The following TAFA1 variants were observed in gnomAD, a reference collection of about 807,000 sequenced individuals.
The protein encoded by TAFA1 is TAFA chemokine like family member 1.
A neutral mutation model predicts 18.5 loss-of-function variants in TAFA1; 4 were observed. The observed-to-expected ratio is 0.22, with a 90% CI of 0.11 to 0.49. The LOEUF (loss-of-function observed/expected upper bound fraction) is 0.49, where lower values mean the gene tolerates loss of function less well. Among genes scored for constraint, TAFA1 ranks in the 20% least tolerant of loss-of-function variants. The probability of loss-of-function intolerance (pLI) is 0.98; values close to 1 mark genes in which losing one functional copy is unlikely to be tolerated. For missense variants in TAFA1, 147 were observed against 169.0 expected (o/e 0.87, Z 0.72); for synonymous variants, 56 against 55.2 (o/e 1.01, Z -0.06).
intron 2 of TAFA1, among the ~76,000 whole-genome samples, chr3:68,341,697 A>T (rs1460251763): frequency 6.6e-6 from 1 of 152,188 alleles, no homozygotes; most frequent in Non-Finnish European, 1.5e-5. Flanking sequence ...ATGAACAAAG[A>T]CAGCTCCAAG....
At chr3:68,180,012 T>TTTTTTATTATTATTA (rs1553649124) in intron 2 of TAFA1, among the ~76,000 whole-genome samples, 11 of 140,322 alleles carry the variant, frequency 7.8e-5, no homozygotes, top group East Asian at 2.1e-4. Flanking sequence ...AACACATAAT[T>TTTTTTATTATTATTA]TTATTATTAT....
intron 2 of TAFA1, among the ~76,000 whole-genome samples, chr3:68,184,139 A>G (rs1205078041): frequency 2.0e-5 from 3 of 152,160 alleles, no homozygotes; most frequent in African/African-American, 7.2e-5. Flanking sequence ...GGACATCAAA[A>G]AGTGTCATAC....
chr3:68,373,764 T>C (rs1253030689), intron 2 of TAFA1, among the ~76,000 whole-genome samples: 12 of 152,194 alleles, frequency 7.9e-5, no homozygotes, highest in African/African-American at 2.9e-4. Context: ...CAATCTTAAT[T>C]TGAGACCAGA....
chr3:68,173,882 C>A (rs1306251209), intron 2 of TAFA1, among the ~76,000 whole-genome samples: 1 of 127,092 alleles, frequency 7.9e-6, no homozygotes, highest in South Asian at 2.9e-4. Flanking sequence ...GCTCAAATAA[C>A]AGGGTTATAG....
intron 2 of TAFA1, among the ~76,000 whole-genome samples, chr3:68,157,154 T>C (rs535309708): frequency 8.5e-5 from 13 of 152,346 alleles, no homozygotes; most frequent in African/African-American, 2.6e-4. Flanking sequence ...CTATTATTAT[T>C]ATTTGTTACA....
chr3:68,510,110 T>G (rs1197940699), intron 3 of TAFA1, among the ~76,000 whole-genome samples: 1 of 152,078 alleles, frequency 6.6e-6, no homozygotes, highest in Non-Finnish European at 1.5e-5. Context: ...TTGCAAAGCC[T>G]CATCCCTCTC....
intron 3 of TAFA1, among the ~76,000 whole-genome samples, chr3:68,423,230 T>C (rs573433874): frequency 2.0e-4 from 30 of 152,262 alleles, no homozygotes; most frequent in African/African-American, 7.2e-4. Context: ...TATTATGTGC[T>C]ACTGTCCCAA....
chr3:68,304,807 G>A (rs1446648020), intron 2 of TAFA1, among the ~76,000 whole-genome samples: 1 of 152,124 alleles, frequency 6.6e-6, no homozygotes, highest in Non-Finnish European at 1.5e-5. Context: ...AAGTTATCAC[G>A]GAAAATGTTG....
intron 2 of TAFA1, among the ~76,000 whole-genome samples, chr3:68,035,154 G>C (rs578194690): frequency 9.9e-5 from 15 of 152,110 alleles, no homozygotes; most frequent in Admixed American, 7.2e-4. Context: ...AAGAAACAAA[G>C]CACCCCTCTG....
chr3:68,369,379 T>G (rs2069635593), intron 2 of TAFA1, among the ~76,000 whole-genome samples: 1 of 152,222 alleles, frequency 6.6e-6, no homozygotes, highest in African/African-American at 2.4e-5. Flanking sequence ...TCTCAATACA[T>G]TATTGCTGAA....
At chr3:68,070,242 T>C (rs979539657) in intron 2 of TAFA1, among the ~76,000 whole-genome samples, 1 of 152,226 alleles carries the variant, frequency 6.6e-6, no homozygotes, top group Non-Finnish European at 1.5e-5. Context: ...TTCCCAAACC[T>C]CAGTTCTTGA....
intron 2 of TAFA1, among the ~76,000 whole-genome samples, chr3:68,379,674 T>A (rs1435339633): frequency 1.3e-5 from 2 of 151,936 alleles, no homozygotes; most frequent in Non-Finnish European, 2.9e-5. Context: ...TCTTCCAGGG[T>A]TTTTACAGTT....
intron 3 of TAFA1, among the ~76,000 whole-genome samples, chr3:68,451,135 G>A (rs570765963): frequency 6.6e-5 from 10 of 152,188 alleles, no homozygotes; most frequent in African/African-American, 2.4e-4. Flanking sequence ...GTTTATGCCC[G>A]TTGTCCCAAT....
At chr3:68,172,937 A>G (rs1298622151) in intron 2 of TAFA1, among the ~76,000 whole-genome samples, 1 of 152,160 alleles carries the variant, frequency 6.6e-6, no homozygotes, top group Non-Finnish European at 1.5e-5. Flanking sequence ...ATGTTCTAAA[A>G]TTACATATTA....
At chr3:68,502,983 GA>G (rs1427509398) in intron 3 of TAFA1, among the ~76,000 whole-genome samples, 1 of 152,102 alleles carries the variant, frequency 6.6e-6, no homozygotes, top group Non-Finnish European at 1.5e-5. Context: ...CCATGCAATG[GA>G]ATATTATTCT....
chr3:68,303,732 AACC>A (rs1330343715), intron 2 of TAFA1, among the ~76,000 whole-genome samples: 1 of 151,980 alleles, frequency 6.6e-6, no homozygotes, highest in Non-Finnish European at 1.5e-5. Context: ...TACAGGCGTG[AACC>A]ACCGTGCCCG....
intron 2 of TAFA1, among the ~76,000 whole-genome samples, chr3:68,396,796 T>C (rs904575588): frequency 6.6e-6 from 1 of 152,210 alleles, no homozygotes; most frequent in African/African-American, 2.4e-5. Flanking sequence ...AACAATTCTA[T>C]TAAAATGCTG....
chr3:68,344,950 C>A (rs2069140999), intron 2 of TAFA1, among the ~76,000 whole-genome samples: 1 of 150,272 alleles, frequency 6.7e-6, no homozygotes, highest in Non-Finnish European at 1.5e-5. Flanking sequence ...TCACTGACTA[C>A]AAAAGTTATA....
At chr3:68,204,437 A>G (rs1053000082) in intron 2 of TAFA1, among the ~76,000 whole-genome samples, 4 of 151,478 alleles carry the variant, frequency 2.6e-5, no homozygotes, top group Admixed American at 2.0e-4. Context: ...CCCTTTGTCC[A>G]CAGAATTTCC....
Sources: allele counts gnomAD v4.1 joint callset (sites outside exome capture counted in the v4.1 genomes callset), GRCh38; gene constraint gnomAD v4.1.1; transcripts MANE v1.5; gene names NCBI Gene and HGNC (gene_info 2026-07-23, HGNC 2026-07-21).